Variants in MBNL1 observed in about 807,000 individuals in gnomAD.
MBNL1 encodes muscleblind-like protein 1.
MBNL1 carries 8 observed loss-of-function variants against 42.2 expected under a neutral mutation model. The observed-to-expected ratio is 0.19, with a 90% CI of 0.11 to 0.34. The LOEUF (loss-of-function observed/expected upper bound fraction) is 0.34. Among genes scored for constraint, MBNL1 ranks in the 10% least tolerant of loss-of-function variants. MBNL1 has a pLI of 1.00. For missense variants in MBNL1, 309 were observed against 495.3 expected (o/e 0.62, Z 3.57); for synonymous variants, 169 against 173.9 (o/e 0.97, Z 0.22).
chr3:152,453,924 A>G (rs1401221704), intron 6 of MBNL1, among the ~76,000 whole-genome samples: 2 of 152,196 alleles, frequency 1.3e-5, no homozygotes, highest in Non-Finnish European at 2.9e-5. Flanking sequence ...ACTGGCTTTA[A>G]TATTACTTAA....
At chr3:152,273,829 A>G (rs1012275557) in intron 1 of MBNL1, among the ~76,000 whole-genome samples, 1 of 152,160 alleles carries the variant, frequency 6.6e-6, no homozygotes, top group African/African-American at 2.4e-5. Flanking sequence ...ATACCAAAAG[A>G]GGTGAATAAT....
chr3:152,332,744 G>A lies in MBNL1; in HGVS notation c.174+32377G>A, dbSNP rs1451648598. ...TGTGTGTGTGTGTGTGTGTGTGCGC[G>A]CGCGCATGCGCACACACTAGTTTAT... On this transcript the variant is annotated intron_variant, in intron 2 of 9. Coordinates refer to ENST00000324210, the MANE Select transcript of MBNL1 (RefSeq NM_021038.5). Among the ~76,000 whole-genome samples, 6 of 148,648 alleles carry A rather than the reference G, an allele frequency of 4.0e-5. 1 individual carries two copies. Among genetic ancestry groups the A allele is most frequent in the South Asian group, 2.1e-4 (1 of 4,774 alleles).
rs202070328 is a variant in MBNL1, at chr3:152,319,614, G to GTTTTTTT, written c.174+19266_174+19272dup. Among the ~76,000 whole-genome samples the GTTTTTTT allele has an allele frequency of 1.9e-3, 156 of 80,484 alleles. 7 individuals carry two copies. The highest frequency in any genetic ancestry group is 2.4e-3 in the African/African-American group (49 of 20,774). The allele number at this position is 80,484 out of a possible 152,430, so 52.8% of individuals were successfully genotyped here. A position where few individuals can be genotyped will look rare whatever the true frequency, so the allele number is the denominator to read the frequency against. On this transcript the variant is annotated intron_variant, in intron 2 of 9. Coordinates refer to ENST00000324210, the MANE Select transcript of MBNL1 (RefSeq NM_021038.5). The stretch of plus-strand genomic sequence containing the variant: ...TACGGTGGCATTAAAGTTCTATACT[G>GTTTTTTT]TTTTTTTTTTTTTTTTTTTTTTTTT...
chr3:152,436,252 A>C (rs536011486), intron 4 of MBNL1, among the ~76,000 whole-genome samples: 7 of 152,226 alleles, frequency 4.6e-5, no homozygotes, highest in Non-Finnish European at 1.0e-4. Flanking sequence ...AGACACATGC[A>C]TCGCAGGTTT....
intron 2 of MBNL1, among the ~76,000 whole-genome samples, chr3:152,382,825 G>A (rs543266510): frequency 2.0e-5 from 3 of 151,852 alleles, no homozygotes; most frequent in Admixed American, 6.6e-5. Flanking sequence ...ATTCAACTTC[G>A]TTTTATATTT....
At chr3:152,436,371 AC>A (rs1447408569) in intron 4 of MBNL1, among the ~76,000 whole-genome samples, 1 of 152,192 alleles carries the variant, frequency 6.6e-6, no homozygotes, top group Non-Finnish European at 1.5e-5. Flanking sequence ...AGGTAGATAC[AC>A]CTGATACACC....
chr3:152,446,777 T>C (rs774193147), intron 5 of MBNL1: 1 of 1,606,414 alleles, frequency 6.2e-7, no homozygotes, highest in Non-Finnish European at 8.5e-7. Context: ...CCTTTCACCT[T>C]TTAGCTTGGC....
At chr3:152,301,668 GC>G (rs1271747187) in intron 2 of MBNL1, among the ~76,000 whole-genome samples, 1 of 152,154 alleles carries the variant, frequency 6.6e-6, no homozygotes, top group Admixed American at 6.5e-5. Flanking sequence ...AGATCAATAA[GC>G]AAAAGTTATA....
intron 2 of MBNL1, among the ~76,000 whole-genome samples, chr3:152,358,754 C>CATT (rs989764871): frequency 1.3e-5 from 2 of 151,656 alleles, no homozygotes; most frequent in African/African-American, 4.8e-5. Flanking sequence ...ATGTTGTGGA[C>CATT]ATTATTATTA....
At chr3:152,292,600 A>G (rs985478183) in intron 1 of MBNL1, among the ~76,000 whole-genome samples, 1 of 152,188 alleles carries the variant, frequency 6.6e-6, no homozygotes, top group Non-Finnish European at 1.5e-5. Flanking sequence ...GGCAGTCTCT[A>G]TGCCATTCCA....
At chr3:152,316,513 G>A (rs1253820674) in intron 2 of MBNL1, among the ~76,000 whole-genome samples, 3 of 152,176 alleles carry the variant, frequency 2.0e-5, no homozygotes, top group African/African-American at 7.2e-5. Context: ...CAAAGCAGAA[G>A]AGACTTGGAA....
chr3:152,420,061 C>A (rs1445430967), intron 3 of MBNL1, among the ~76,000 whole-genome samples: 5 of 152,204 alleles, frequency 3.3e-5, no homozygotes, highest in Non-Finnish European at 7.3e-5. Context: ...TCTCTAGATT[C>A]TTTCTCTCTG....
chr3:152,403,781 G>A (rs1042864308), intron 2 of MBNL1, among the ~76,000 whole-genome samples: 1 of 151,970 alleles, frequency 6.6e-6, no homozygotes, highest in East Asian at 1.9e-4. Flanking sequence ...ATAGAAACAT[G>A]TTCTGGGCTC....
At chr3:152,336,226 A>G (rs1474878349) in intron 2 of MBNL1, among the ~76,000 whole-genome samples, 6 of 152,174 alleles carry the variant, frequency 3.9e-5, no homozygotes, top group Admixed American at 1.3e-4. Flanking sequence ...CTGATTGACA[A>G]TGTTTATTTA....
At chr3:152,375,686 A>T (rs2153331383) in intron 2 of MBNL1, among the ~76,000 whole-genome samples, 1 of 152,128 alleles carries the variant, frequency 6.6e-6, no homozygotes, top group East Asian at 1.9e-4. Flanking sequence ...CAGGTCTTCG[A>T]TGTGTGCCTG....
At position 152,315,320 on chromosome 3, in the gene MBNL1, A is replaced by AG. The variant is rs1392609315; in HGVS notation, c.174+14960dup. ...CCCACTATATTTCCTTTAAAAATCA[A>AG]GGGGGGGTTAACACCTTTAGATTGT... is the stretch of plus-strand genomic sequence containing the variant. On this transcript the variant is annotated intron_variant, in intron 2 of 9. Transcript: ENST00000324210. Among the ~76,000 whole-genome samples, 11 of 152,258 alleles carry AG rather than the reference A, an allele frequency of 7.2e-5. No individual in the cohort carries two copies. In the East Asian group the frequency reaches 7.7e-4, roughly 11 times the overall value.
intron 2 of MBNL1, among the ~76,000 whole-genome samples, chr3:152,247,683 C>T (rs2033435217): frequency 6.6e-6 from 1 of 151,882 alleles, no homozygotes. Flanking sequence ...TTTTTATTAA[C>T]TAAAATTAGG....
chr3:152,257,988 G>T (rs973802629), intron 2 of MBNL1, among the ~76,000 whole-genome samples: 2 of 152,068 alleles, frequency 1.3e-5, no homozygotes, highest in Non-Finnish European at 2.9e-5. Context: ...CAATAGTTAT[G>T]TTTCTAAAGT....
rs570720521 is a variant in MBNL1, at chr3:152,346,892, A to AC, written c.174+46525_174+46526insC. Among the ~76,000 whole-genome samples the AC allele has an allele frequency of 4.4e-3, 670 of 151,666 alleles. 4 individuals carry two copies. Among genetic ancestry groups the AC allele is most frequent in the South Asian group, 0.014 (66 of 4,790 alleles). Reference sequence around the variant, plus strand: ...CAAATCACTTTAATTAAAAAAAAAAAAAAAAACCAGTCATGGTGACTCACG... The same window carrying AC: ...CAAATCACTTTAATTAAAAAAAAAAACAAAAAACCAGTCATGGTGACTCACG... On this transcript the variant is annotated intron_variant, in intron 2 of 9. Coordinates refer to ENST00000324210, the MANE Select transcript of MBNL1 (RefSeq NM_021038.5).
Sources: gnomAD v4.1 joint callset for allele counts (sites outside exome capture counted in the v4.1 genomes callset) on GRCh38, gnomAD v4.1.1 for gene constraint, MANE v1.5 for transcripts, NCBI Gene and HGNC (gene_info 2026-07-23, HGNC 2026-07-21) for gene names.